Variants in LRP1B observed in about 807,000 individuals in gnomAD.
LRP1B encodes the protein low-density lipoprotein receptor-related protein 1B.
In LRP1B, 217 loss-of-function variants were observed where a neutral mutation model predicts 556.6. That is an observed-to-expected ratio of 0.39 (90% CI 0.35 to 0.44). The LOEUF (loss-of-function observed/expected upper bound fraction) is 0.44, where lower values mean the gene tolerates loss of function less well. Among genes scored for constraint, LRP1B ranks in the 20% least tolerant of loss-of-function variants. The probability of loss-of-function intolerance (pLI) is 1.00; values close to 1 mark genes in which losing one functional copy is unlikely to be tolerated. For synonymous variants in LRP1B, 2,047 were observed against 1,865.8 expected (o/e 1.10, Z -2.50); for missense variants, 5,053 against 5,620.8 (o/e 0.90, Z 3.23).
At chr2:141,310,036 A>G (rs2105447093) in intron 3 of LRP1B, among the ~76,000 whole-genome samples, 1 of 152,278 alleles carries the variant, frequency 6.6e-6, no homozygotes, top group East Asian at 1.9e-4. Flanking sequence ...GCCTTGAGGG[A>G]CTAAGGCAAT....
At chr2:140,688,607 A>G (rs1484305131) in intron 41 of LRP1B, among the ~76,000 whole-genome samples, 1 of 152,152 alleles carries the variant, frequency 6.6e-6, no homozygotes, top group Non-Finnish European at 1.5e-5. Context: ...TTTGCAGCCC[A>G]TTTTCAGCTC....
chr2:141,115,441 A>C (rs1700863078), intron 7 of LRP1B, among the ~76,000 whole-genome samples: 2 of 147,746 alleles, frequency 1.4e-5, no homozygotes, highest in South Asian at 4.3e-4. Flanking sequence ...TTGCAAAATG[A>C]ATAGGTTTTT....
chr2:140,472,043 G>A (rs1040747058), intron 60 of LRP1B, among the ~76,000 whole-genome samples: 2 of 152,082 alleles, frequency 1.3e-5, no homozygotes, highest in African/African-American at 4.8e-5. Flanking sequence ...CAGTACTGCT[G>A]CATGCATTTT....
At chr2:140,872,384 T>G (rs990817824) in intron 25 of LRP1B, among the ~76,000 whole-genome samples, 5 of 147,386 alleles carry the variant, frequency 3.4e-5, no homozygotes, top group Non-Finnish European at 7.5e-5. Context: ...TTTTTTTTTT[T>G]TTTTACTAAA....
At chr2:141,687,558 A>G (rs1691357788) in intron 2 of LRP1B, among the ~76,000 whole-genome samples, 1 of 152,026 alleles carries the variant, frequency 6.6e-6, no homozygotes, top group African/African-American at 2.4e-5. Context: ...TTGACCACAT[A>G]GAGTCAGTTG....
Position 141,713,977 on chromosome 2 carries a change from G to GCTGTCTTTTACA in LRP1B, c.205+96290_205+96301dup, listed in dbSNP as rs372087872. 2.3e-3 allele frequency among the ~76,000 whole-genome samples: 353 copies of GCTGTCTTTTACA among 152,238 alleles called. 6 individuals carry two copies. Among genetic ancestry groups the GCTGTCTTTTACA allele is most frequent in the African/African-American group, 8.2e-3 (341 of 41,542 alleles). ...GTAATAGTGATTTCCTACCTGATTT[G>GCTGTCTTTTACA]CTGTCTTTTACACTGAGCAGTGATA... is the stretch of plus-strand genomic sequence containing the variant. On this transcript the variant is annotated intron_variant, in intron 2 of 90. Coordinates refer to ENST00000389484, the MANE Select transcript of LRP1B (RefSeq NM_018557.3).
intron 1 of LRP1B, among the ~76,000 whole-genome samples, chr2:142,077,598 T>C (rs1705553591): frequency 1.3e-5 from 2 of 152,162 alleles, no homozygotes; most frequent in South Asian, 4.1e-4. Flanking sequence ...TCTGTTTGGA[T>C]TTATATATAA....
intron 3 of LRP1B, among the ~76,000 whole-genome samples, chr2:141,394,933 C>T (rs547509743): frequency 6.6e-6 from 1 of 152,050 alleles, no homozygotes; most frequent in South Asian, 2.1e-4. Context: ...TTGAATGTTG[C>T]CTAGGGATCT....
At chr2:141,690,883 T>C (rs1033940963) in intron 2 of LRP1B, among the ~76,000 whole-genome samples, 1 of 151,736 alleles carries the variant, frequency 6.6e-6, no homozygotes, top group African/African-American at 2.4e-5. Flanking sequence ...TCAGGGAGTC[T>C]CCCCTCTATT....
chr2:141,282,465 T>TTATGTGTATATGTATATG lies in LRP1B; in HGVS notation c.344-27825_344-27824insCATATACATATACACATA, dbSNP rs377692835. 2.0e-3 allele frequency among the ~76,000 whole-genome samples: 277 copies of TTATGTGTATATGTATATG among 135,690 alleles called. 1 individual carries two copies. Among genetic ancestry groups the TTATGTGTATATGTATATG allele is most frequent in the African/African-American group, 6.7e-3 (243 of 36,528 alleles). The allele number at this position is 135,690 out of a possible 152,430, so 89.0% of individuals were successfully genotyped here. ...TTTCCTATTGGGCCTCTCGGGGGTTTTATATGTATATGTATATGTATATGT... is the reference window on the plus strand; with the variant it reads ...TTTCCTATTGGGCCTCTCGGGGGTTTTATGTGTATATGTATATGTATATGTATATGTATATGTATATGT... On this transcript the variant is annotated intron_variant, in intron 3 of 90. Coordinates refer to ENST00000389484, the MANE Select transcript of LRP1B (RefSeq NM_018557.3).
At chr2:140,862,697 T>G (rs1175737127) in intron 27 of LRP1B, among the ~76,000 whole-genome samples, 8 of 152,212 alleles carry the variant, frequency 5.3e-5, no homozygotes, top group Admixed American at 5.2e-4. Context: ...TATCTTTATA[T>G]GTAAATTTGA....
At chr2:140,823,854 T>C (rs572979685) in intron 31 of LRP1B, among the ~76,000 whole-genome samples, 24 of 152,162 alleles carry the variant, frequency 1.6e-4, no homozygotes, top group Non-Finnish European at 3.2e-4. Context: ...AAATAACACA[T>C]GTTCTCACTT....
At chr2:140,849,571 C>A (rs1461716596) in intron 29 of LRP1B, among the ~76,000 whole-genome samples, 1 of 150,942 alleles carries the variant, frequency 6.6e-6, no homozygotes, top group Non-Finnish European at 1.5e-5. Flanking sequence ...TGGAGTTTTG[C>A]TCTTCTTGCC....
At chr2:140,606,899 G>A (rs1278342559) in intron 41 of LRP1B, among the ~76,000 whole-genome samples, 6 of 151,814 alleles carry the variant, frequency 4.0e-5, no homozygotes, top group African/African-American at 1.5e-4. Flanking sequence ...GTTAAGCAAA[G>A]CCTTCTTAAA....
At chr2:140,402,666 C>G (rs879325744) in intron 66 of LRP1B, among the ~76,000 whole-genome samples, 3 of 152,122 alleles carry the variant, frequency 2.0e-5, no homozygotes, top group Non-Finnish European at 4.4e-5. Flanking sequence ...TGGTCCCCAC[C>G]CTTCCACCTG....
rs1693910148 is a variant in LRP1B at position 141,746,207 on chromosome 2, C to G, written c.205+64072G>C. On this transcript the variant is annotated intron_variant, in intron 2 of 90. Transcript: ENST00000389484. ...CACTGGCTCCAAGCCCAGCTCAGCA[C>G]TAGGACATGTCTAGGGGTTGTAGTC... 1.3e-5 allele frequency among the ~76,000 whole-genome samples: 2 copies of G among 152,128 alleles called. 1 individual carries two copies. Among genetic ancestry groups the G allele is most frequent in the South Asian group, 4.1e-4 (2 of 4,830 alleles).
At position 140,776,092 on chromosome 2, in the gene LRP1B, A is replaced by T. The variant is rs767159311; in HGVS notation, c.5500+6T>A. On this transcript the variant is annotated splice_donor_region_variant and intron_variant, in intron 33 of 90. Transcript: ENST00000389484. Reference sequence around the variant, plus strand: ...GACCTGGCACAAATTCATTAGTGTGATTTACCTTGCTGTGCTTCTTTATCA... The same window carrying T: ...GACCTGGCACAAATTCATTAGTGTGTTTTACCTTGCTGTGCTTCTTTATCA... The T allele has an allele frequency of 1.9e-6, 3 of 1,554,468 alleles. No homozygotes were observed. Among genetic ancestry groups the T allele is most frequent in the South Asian group, 2.4e-5 (2 of 83,424 alleles).
At chr2:140,939,106 A>AG (rs1172800533) in intron 20 of LRP1B, among the ~76,000 whole-genome samples, 9 of 152,086 alleles carry the variant, frequency 5.9e-5, no homozygotes, top group African/African-American at 1.9e-4. Context: ...ATAAAGAAAG[A>AG]GAAAAAAAGT....
chr2:140,769,961 A>T (rs1464096223), intron 34 of LRP1B, among the ~76,000 whole-genome samples: 1 of 151,950 alleles, frequency 6.6e-6, no homozygotes, highest in Non-Finnish European at 1.5e-5. Flanking sequence ...GCACATAAAT[A>T]TTAAGCTAAC....
Sources: gnomAD v4.1 joint callset for allele counts (sites outside exome capture counted in the v4.1 genomes callset) on GRCh38, gnomAD v4.1.1 for gene constraint, MANE v1.5 for transcripts, NCBI Gene and HGNC (gene_info 2026-07-23, HGNC 2026-07-21) for gene names.